AHNAK2: variants seen among roughly 807,000 people sequenced by gnomAD.
AHNAK2 encodes the protein AHNAK nucleoprotein 2.
AHNAK2 carries 18 observed loss-of-function variants against 30.7 expected under a neutral mutation model. The observed-to-expected ratio is 0.59, with a 90% confidence interval of 0.41 to 0.87. AHNAK2 has a LOEUF of 0.87. Ranked by LOEUF, AHNAK2 falls within the 40% of genes least tolerant of loss-of-function variation. AHNAK2 has a pLI of 0.00. For missense variants in AHNAK2, 8,604 were observed against 7,373.0 expected (o/e 1.17, Z -6.11); for synonymous variants, 3,590 against 3,073.8 (o/e 1.17, Z -5.56).
rs771428719 is a variant in AHNAK2, at chr14:104,953,395, C to T, written c.2056G>A (p.Gly686Arg). The T allele has an allele frequency of 6.8e-6, 11 of 1,613,970 alleles. No homozygotes were observed. The highest frequency in any genetic ancestry group is 2.2e-5 in the East Asian group (1 of 44,876). Residue 686 changes from glycine to arginine, a missense_variant, in exon 7 of 7, where the codon GGG becomes AGG. Physicochemically the swap from Gly to Arg is moderately radical, Grantham distance 125. Coordinates refer to ENST00000333244, the MANE Select transcript of AHNAK2 (RefSeq NM_138420.4). ...ATGGACTTGCCTGGGGCTGACGCCC[C>T]GAACAATGGCATCTTGAACTTGGGC... ...KMPKFKMPLF[G>R]ASAPGKSMEA... is the part of the protein sequence containing the mutation.
chr14:104,942,836 G>A lies in AHNAK2; in HGVS notation c.12615C>T (p.Pro4205=). The part of the protein sequence containing the change: ...GQVDVKLPEG[P]LPKGAGLKGH... ...CTTTGAGGCCGGCTCCCTTGGGCAGGGGGCCCTCCGGGAGTTTCACGTCCA... is the reference window on the plus strand; with the variant it reads ...CTTTGAGGCCGGCTCCCTTGGGCAGAGGGCCCTCCGGGAGTTTCACGTCCA... The change falls in exon 7 of 7, where the codon CCC becomes CCT. Residue 4205 remains proline (P), a synonymous_variant. Transcript: ENST00000333244. 6.2e-7 allele frequency: 1 copy of A among 1,612,138 alleles called. No homozygotes were observed. Among genetic ancestry groups the A allele is most frequent in the Non-Finnish European group, 8.5e-7 (1 of 1,179,302 alleles).
rs776464445 is a variant in AHNAK2 at position 104,952,296 on chromosome 14, G to A, written c.3155C>T (p.Ser1052Phe). Residue 1052 changes from serine to phenylalanine, a missense_variant, in exon 7 of 7, where the codon TCT (serine) becomes TTT (phenylalanine). Coordinates refer to ENST00000333244, the MANE Select transcript of AHNAK2 (RefSeq NM_138420.4). ...GTCAGCCTGGACCTTCAGGTCAGTA[G>A]AAGCAGGCTGAATGCTGAGGTCAGT... ...KTTDLSIQPA[S>F]TDLKVQADQV... The A allele has an allele frequency of 1.2e-6, 2 of 1,612,474 alleles. No individual in the cohort carries two copies. Among genetic ancestry groups the A allele is most frequent in the Non-Finnish European group, 1.7e-6 (2 of 1,179,554 alleles).
Position 104,941,519 on chromosome 14 carries a change from T to G in AHNAK2, c.13932A>C (p.Lys4644Asn). Residue 4644 changes from lysine to asparagine, a missense_variant, in exon 7 of 7, where the codon AAA (lysine) becomes AAC (asparagine). Lys to Asn is a moderately conservative substitution (Grantham distance 94). Transcript: ENST00000333244. ...STSGFEWSSK[K>N]VSMSSSEIEG... is the part of the protein sequence containing the mutation. ...CGATTTCAGAGGAAGACATGGAAAC[T>G]TTCTTTGACGACCATTCAAAACCAG... 6.2e-7 allele frequency: 1 copy of G among 1,612,994 alleles called. No individual in the cohort carries two copies.
chr14:104,958,664 T>C (rs908207332), intron 1 of AHNAK2, among the ~76,000 whole-genome samples: 4 of 152,178 alleles, frequency 2.6e-5, no homozygotes, highest in African/African-American at 9.7e-5. Context: ...TGTAGATTAA[T>C]ATAAATTAAC....
At position 104,952,213 on chromosome 14, in the gene AHNAK2, G is replaced by T. The variant is rs751417187; in HGVS notation, c.3238C>A (p.His1080Asn). ...CTGGGCATCTCCACCTTGGGCAAGT[G>T]CCCTTTAAGGCCAGCTCCCTCGGGC... ...HLPEGAGLKG[H>N]LPKVEMPSFK... is the part of the protein sequence containing the mutation. The change falls in exon 7 of 7, where the codon CAC becomes AAC. Residue 1080 changes from histidine to asparagine, a missense_variant. Transcript: ENST00000333244. 1.2e-6 allele frequency: 2 copies of T among 1,612,460 alleles called. No homozygotes were observed.
intron 1 of AHNAK2, among the ~76,000 whole-genome samples, chr14:104,969,313 T>C (rs1899404728): frequency 6.6e-6 from 1 of 152,194 alleles, no homozygotes. Context: ...CCTGGTGCCA[T>C]CCATCGGTCA....
In AHNAK2 at chr14:104,978,290, C is replaced by G; in HGVS notation, c.-53G>C. 2.3e-5 allele frequency: 25 copies of G among 1,097,414 alleles called. No individual in the cohort carries two copies. The highest frequency in any genetic ancestry group is 2.8e-5 in the Non-Finnish European group (25 of 892,176). 68.0% of individuals were successfully genotyped at this position (1,097,414 alleles called of 1,614,324 possible). A position where few individuals can be genotyped will look rare whatever the true frequency, so the allele number is the denominator to read the frequency against. ...CGGCCCGTCGCGTCCAGTCGCTGGTCCCGGCTCCGGCGCACGGGGCGGGCG... is the reference window on the plus strand; with the variant it reads ...CGGCCCGTCGCGTCCAGTCGCTGGTGCCGGCTCCGGCGCACGGGGCGGGCG... On this transcript the variant is annotated 5_prime_UTR_variant, in exon 1 of 7. Transcript: ENST00000333244.
chr14:104,955,606 G>C lies in AHNAK2; in HGVS notation c.343C>G (p.Leu115Val), dbSNP rs1898950946. Residue 115 changes from leucine (L) to valine (V), a missense_variant, in exon 5 of 7, where the codon CTG (leucine) becomes GTG (valine). Coordinates refer to ENST00000333244, the MANE Select transcript of AHNAK2 (RefSeq NM_138420.4). The stretch of plus-strand genomic sequence containing the variant: ...GCTCCTGCCTCCACCTCTGTCTTCA[G>C]CGTCACCTCTGTTGCCTCCTGGACA... ...EAVQEATEVTLKTEVEAGASG... is the reference protein window; with the variant it reads ...EAVQEATEVTVKTEVEAGASG... The C allele has an allele frequency of 6.2e-7, 1 of 1,613,644 alleles. No homozygotes were observed. Among genetic ancestry groups the C allele is most frequent in the East Asian group, 2.2e-5 (1 of 44,892 alleles).
chr14:104,978,068 C>T, intron 1 of AHNAK2, 115 bp downstream of exon 1: 1 of 882,070 alleles, frequency 1.1e-6, no homozygotes, highest in Non-Finnish European at 1.5e-6. Flanking sequence ...CAGGCGTCTC[C>T]GAGTCCCCCG....
In AHNAK2 at chr14:104,940,371, G is replaced by A; in HGVS notation, c.15080C>T (p.Ala5027Val). 6.2e-7 allele frequency: 1 copy of A among 1,613,870 alleles called. No individual in the cohort carries two copies. Among genetic ancestry groups the A allele is most frequent in the Non-Finnish European group, 8.5e-7 (1 of 1,179,876 alleles). ...TKPGFAMPKL[A>V]LPKMKASKSG... ...CTTAGAAGCCTTCATTTTGGGAAGT[G>A]CAAGTTTTGGCATGGCAAAGCCAGG... Residue 5027 changes from alanine (A) to valine (V), a missense_variant, in exon 7 of 7, where the codon GCA (alanine) becomes GTA (valine). By Grantham distance (64) the Ala-to-Val change is moderately conservative. Transcript: ENST00000333244. The surrounding 1 kb of genome is among the most constrained non-coding windows in gnomAD (Gnocchi z 4.4).
chr14:104,939,767 T>C lies in AHNAK2; in HGVS notation c.15684A>G (p.Ala5228=). ...TQAPAATGGE[A]AAKVKEFLVS... is the part of the protein sequence containing the mutation. ...CAAGGAACTCTTTGACTTTAGCTGC[T>C]GCTTCACCCCCTGTTGCTGCCGGTG... The change falls in exon 7 of 7, where the codon GCA becomes GCG. Residue 5228 remains alanine (A), a synonymous_variant. Transcript: ENST00000333244. The C allele has an allele frequency of 6.2e-7, 1 of 1,613,854 alleles. No individual in the cohort carries two copies. Among genetic ancestry groups the C allele is most frequent in the South Asian group, 1.1e-5 (1 of 91,092 alleles).
At position 104,938,528 on chromosome 14, in the gene AHNAK2, T is replaced by A. The variant is rs375522238; in HGVS notation, c.16923A>T (p.Lys5641Asn). 1.2e-6 allele frequency: 2 copies of A among 1,613,446 alleles called. No homozygotes were observed. The highest frequency in any genetic ancestry group is 8.5e-7 in the Non-Finnish European group (1 of 1,179,720). ...RAPKDKPESKKSGLLWFWLPN... is the reference protein window; with the variant it reads ...RAPKDKPESKNSGLLWFWLPN... Reference sequence around the variant, plus strand: ...GAAGCCAAAACCAGAGCAGACCAGATTTTTTACTTTCTGGTTTGTCTTTTG... The same window carrying A: ...GAAGCCAAAACCAGAGCAGACCAGAATTTTTACTTTCTGGTTTGTCTTTTG... Residue 5641 changes from lysine to asparagine, a missense_variant, in exon 7 of 7, where the codon AAA becomes AAT. Transcript: ENST00000333244.
At chr14:104,957,809 C>G in intron 1 of AHNAK2, 137 bp from the exon 2 acceptor site, 1 of 877,170 alleles carries the variant, frequency 1.1e-6, no homozygotes, top group Non-Finnish European at 1.8e-6. Context: ...AGAGCAAACT[C>G]AGGGGCTGGG....
Position 104,939,861 on chromosome 14 carries a change from A to C in AHNAK2, c.15590T>G (p.Met5197Arg). 1 of 1,613,810 alleles carries C rather than the reference A, an allele frequency of 6.2e-7. No individual in the cohort carries two copies. Among genetic ancestry groups the C allele is most frequent in the Non-Finnish European group, 8.5e-7 (1 of 1,179,896 alleles). ...CCTGAAAGAGCGCCTAAGGCTGGGC[A>C]TGCGGAACTTGGGCATTTTAAACCA... is the stretch of plus-strand genomic sequence containing the variant. ...ESWFKMPKFR[M>R]PSLRRSFRDR... Residue 5197 changes from methionine to arginine, a missense_variant, in exon 7 of 7, where the codon ATG (methionine) becomes AGG (arginine). By Grantham distance (91) the Met-to-Arg change is moderately conservative. Transcript: ENST00000333244.
In AHNAK2 at chr14:104,940,001, C is replaced by T. The variant is rs1235833479; in HGVS notation, c.15450G>A (p.Gly5150=). ...GGGGATCTTCAGGTGTGGGGGCTAT[C>T]CCCTCCCCACAAGGCTGGCTCACTG... ...DVPVSQPCGE[G]IAPTPEDPLQ... Residue 5150 remains glycine (G), a synonymous_variant, in exon 7 of 7, where the codon GGG becomes GGA. Coordinates refer to ENST00000333244, the MANE Select transcript of AHNAK2 (RefSeq NM_138420.4). This position sits in a 1 kb window ranked among gnomAD's most constrained non-coding sequence, Gnocchi z 4.4. The T allele has an allele frequency of 6.2e-7, 1 of 1,612,526 alleles. No individual in the cohort carries two copies. The highest frequency in any genetic ancestry group is 2.2e-5 in the East Asian group (1 of 44,880).
intron 1 of AHNAK2, among the ~76,000 whole-genome samples, chr14:104,961,554 T>C (rs1899149763): frequency 6.6e-6 from 1 of 151,742 alleles, no homozygotes; most frequent in Non-Finnish European, 1.5e-5. Context: ...TCTTACATTA[T>C]ACTTAAAGTA....
rs777180464 is a variant in AHNAK2 at position 104,949,683 on chromosome 14, C to T, written c.5768G>A (p.Gly1923Asp). The change falls in exon 7 of 7, where the codon GGC becomes GAC. Residue 1923 changes from glycine (G) to aspartate (D), a missense_variant. Physicochemically the swap from Gly to Asp is moderately conservative, Grantham distance 94 (BLOSUM62 -1). Coordinates refer to ENST00000333244, the MANE Select transcript of AHNAK2 (RefSeq NM_138420.4). The part of the protein sequence containing the change: ...SFKMPKVDLK[G>D]PQTDVKGAKL... ...GGCGCCCTTAACATCTGTCTGGGGGCCCTTGAGGTCCACTTTGGGCATCTT... is the reference window on the plus strand; with the variant it reads ...GGCGCCCTTAACATCTGTCTGGGGGTCCTTGAGGTCCACTTTGGGCATCTT... 5.7e-6 allele frequency: 9 copies of T among 1,587,384 alleles called. No individual in the cohort carries two copies. In the East Asian group the frequency reaches 1.6e-4, roughly 28 times the overall value.
Position 104,938,359 on chromosome 14 carries a change from G to T in AHNAK2, c.17092C>A (p.Arg5698=). The T allele has an allele frequency of 6.2e-7, 1 of 1,613,924 alleles. No individual in the cohort carries two copies. Among genetic ancestry groups the T allele is most frequent in the Non-Finnish European group, 8.5e-7 (1 of 1,179,870 alleles). ...GAGGAGAACCCTAATTTGGGAAATCGGAACCAGCCTGCCTTCTCCTGTTTT... is the reference window on the plus strand; with the variant it reads ...GAGGAGAACCCTAATTTGGGAAATCTGAACCAGCCTGCCTTCTCCTGTTTT... ...PKKQEKAGWF[R]FPKLGFSSSP... Residue 5698 remains arginine (R), a synonymous_variant, in exon 7 of 7, where the codon CGA becomes AGA. Transcript: ENST00000333244.
chr14:104,940,775 G>T lies in AHNAK2; in HGVS notation c.14676C>A (p.Val4892=). 2 of 1,612,940 alleles carry T rather than the reference G, an allele frequency of 1.2e-6. No individual in the cohort carries two copies. The highest frequency in any genetic ancestry group is 1.7e-6 in the Non-Finnish European group (2 of 1,179,882). The stretch of plus-strand genomic sequence containing the variant: ...TTTCTCCAGGGCTAAGAGGAGACAT[G>T]ACTGGGGCACCCACTGCTGCATGTA... ...GDLHAAVGAP[V]MSPLSPGERV... The change falls in exon 7 of 7, where the codon GTC becomes GTA. Residue 4892 remains valine, a synonymous_variant. Coordinates refer to ENST00000333244, the MANE Select transcript of AHNAK2 (RefSeq NM_138420.4). This position sits in a 1 kb window ranked among gnomAD's most constrained non-coding sequence, Gnocchi z 4.4.
Sources: gnomAD v4.1 joint callset for allele counts (sites outside exome capture counted in the v4.1 genomes callset) on GRCh38, gnomAD v4.1.1 for gene constraint, Gnocchi (gnomAD v3.1) non-coding constraint, MANE v1.5 for transcripts, NCBI Gene and HGNC (gene_info 2026-07-23, HGNC 2026-07-21) for gene names.